The following PCDHGA6 variants were observed in gnomAD, a reference collection of about 807,000 sequenced individuals.
PCDHGA6 encodes protocadherin gamma-A6.
A neutral mutation model predicts 60.6 loss-of-function variants in PCDHGA6; 41 were observed. The observed-to-expected ratio is 0.68, with a 90% confidence interval of 0.53 to 0.88. The LOEUF (loss-of-function observed/expected upper bound fraction) is 0.88. Among genes scored for constraint, PCDHGA6 ranks in the 40% least tolerant of loss-of-function variants. The pLI, the probability that PCDHGA6 is intolerant of heterozygous loss-of-function variation, is 0.00. For synonymous variants in PCDHGA6, 594 were observed against 524.4 expected (o/e 1.13, Z -1.81); for missense variants, 1,312 against 1,203.0 (o/e 1.09, Z -1.34).
Position 141,410,397 on chromosome 5 carries a change from G to T in PCDHGA6, c.2424+33890G>T, listed in dbSNP as rs1338071222. Reference sequence around the variant, plus strand: ...TGGGACTGCTTCCATCCTGGTCTCTGTGTCAAGTCTGGACCTGTAGTTCCC... The same window carrying T: ...TGGGACTGCTTCCATCCTGGTCTCTTTGTCAAGTCTGGACCTGTAGTTCCC... On this transcript the variant is annotated intron_variant, in intron 1 of 3. Coordinates refer to ENST00000517434, the MANE Select transcript of PCDHGA6 (RefSeq NM_018919.3). The T allele has an allele frequency of 3.7e-6, 6 of 1,613,930 alleles. No homozygotes were observed. The African/African-American group carries it at 8.0e-5, about 22-fold the overall frequency.
In PCDHGA6 at chr5:141,432,126, C is replaced by G. The variant is rs750150518; in HGVS notation, c.2424+55619C>G. 12 of 1,614,026 alleles carry G rather than the reference C, an allele frequency of 7.4e-6. No homozygotes were observed. Among genetic ancestry groups the G allele is most frequent in the South Asian group, 4.4e-5 (4 of 91,062 alleles). On this transcript the variant is annotated intron_variant, in intron 1 of 3. Transcript: ENST00000517434. The surrounding 1 kb of genome is among the most constrained non-coding windows in gnomAD (Gnocchi z 6.0). ...AACCCGCCGGTCTTCCCTCAGGCCT[C>G]CTATTCCGCTTATATCCCAGAGAAC...
At chr5:141,433,205 TTTC>T in intron 1 of PCDHGA6, 1 of 1,573,264 alleles carries the variant, frequency 6.4e-7, no homozygotes, top group Non-Finnish European at 8.6e-7. Context: ...TCAAATCTTC[TTTC>T]TTTTTTTTTT....
chr5:141,389,990 C>CTCA (rs1156236363), intron 1 of PCDHGA6: 4 of 1,614,044 alleles, frequency 2.5e-6, no homozygotes, highest in Non-Finnish European at 2.5e-6. Flanking sequence ...TGCTCTTCCT[C>CTCA]GTGGCCATGA....
rs773763605 is a variant in PCDHGA6, at chr5:141,476,631, A to G, written c.2425-18176A>G. On this transcript the variant is annotated intron_variant, in intron 1 of 3. Transcript: ENST00000517434. The surrounding 1 kb of genome is among the most constrained non-coding windows in gnomAD (Gnocchi z 7.6). ...GTGGGAAGCAACTCTTTACAAACCT[A>G]TGAGCTGAGCCGAAATGAATACTTT... The G allele has an allele frequency of 2.5e-6, 4 of 1,614,224 alleles. No individual in the cohort carries two copies. Among genetic ancestry groups the G allele is most frequent in the Admixed American group, 1.7e-5 (1 of 60,032 alleles).
intron 1 of PCDHGA6, chr5:141,415,740 G>GTTTTTTTTTTTTTTTTTTT (rs57426385): frequency 1.1e-5 from 7 of 625,046 alleles, no homozygotes; most frequent in Admixed American, 7.1e-5. Context: ...GTTTATTAAG[G>GTTTTTTTTTTTTTTTTTTT]TTTTTTTTTT....
At position 141,491,733 on chromosome 5, in the gene PCDHGA6, TGGGGGCGGCAC is replaced by T; in HGVS notation, c.2425-3073_2425-3063del. 1.9e-6 allele frequency: 3 copies of T among 1,602,698 alleles called. No individual in the cohort carries two copies. The highest frequency in any genetic ancestry group is 2.6e-6 in the Non-Finnish European group (3 of 1,175,258). On this transcript the variant is annotated intron_variant, in intron 1 of 3. Coordinates refer to ENST00000517434, the MANE Select transcript of PCDHGA6 (RefSeq NM_018919.3). The surrounding 1 kb of genome is among the most constrained non-coding windows in gnomAD (Gnocchi z 6.9). ...GCTCGGCGCCGCCCCGGGCGACCCC[TGGGGGCGGCAC>T]TGGAGAAGCCGCCCGTCCTCATAAG...
intron 1 of PCDHGA6, among the ~76,000 whole-genome samples, chr5:141,463,545 T>C (rs1433047951): frequency 6.8e-6 from 1 of 146,704 alleles, no homozygotes; most frequent in East Asian, 2.1e-4. Flanking sequence ...GGCTCCCGGG[T>C]TCATGCCATT....
intron 1 of PCDHGA6, chr5:141,389,849 T>C (rs773205213): frequency 6.2e-7 from 1 of 1,614,066 alleles, no homozygotes; most frequent in South Asian, 1.1e-5. Context: ...TCTCGGCCAC[T>C]GCCACGTTGC....
At chr5:141,394,893 G>A (rs769819389) in intron 1 of PCDHGA6, 7 of 1,613,858 alleles carry the variant, frequency 4.3e-6, no homozygotes, top group South Asian at 2.2e-5. Context: ...ACTCTATCTC[G>A]TGGTGGCAGT....
At chr5:141,409,870 T>C in intron 1 of PCDHGA6, 1 of 1,612,788 alleles carries the variant, frequency 6.2e-7, no homozygotes, top group Non-Finnish European at 8.5e-7. Flanking sequence ...GAGACCGCAA[T>C]GACAACGCAC....
chr5:141,442,135 G>C lies in PCDHGA6; in HGVS notation c.2425-52672G>C, dbSNP rs868124128. 8 of 164,066 alleles carry C rather than the reference G, an allele frequency of 4.9e-5. 1 individual carries two copies. The highest frequency in any genetic ancestry group is 2.8e-4 in the South Asian group (2 of 7,026). 10.2% of individuals were successfully genotyped at this position (164,066 alleles called of 1,614,324 possible). On this transcript the variant is annotated intron_variant, in intron 1 of 3. Transcript: ENST00000517434. ...CCCTCGTCGCCGACAGCCTGCAGGA[G>C]ACTCTGCCAGACCTCAGCGATCACT...
chr5:141,471,006 T>A (rs560578929), intron 1 of PCDHGA6, among the ~76,000 whole-genome samples: 57 of 150,804 alleles, frequency 3.8e-4, no homozygotes, highest in African/African-American at 1.3e-3. Context: ...CATGAGCCAC[T>A]GTGCCTGGTC....
At chr5:141,383,857 C>T (rs1779530315) in intron 1 of PCDHGA6, 2 of 1,613,810 alleles carry the variant, frequency 1.2e-6, no homozygotes, top group Non-Finnish European at 1.7e-6. Context: ...AATGGAGGTT[C>T]AGGCTCAAGA....
chr5:141,443,555 C>T (rs1284929219), intron 1 of PCDHGA6, among the ~76,000 whole-genome samples: 1 of 152,130 alleles, frequency 6.6e-6, no homozygotes, highest in East Asian at 1.9e-4. Flanking sequence ...TGTTCCAATT[C>T]AAATGCTTTA....
chr5:141,400,217 T>C (rs771117256), intron 1 of PCDHGA6: 1 of 1,613,916 alleles, frequency 6.2e-7, no homozygotes, highest in Non-Finnish European at 8.5e-7. Flanking sequence ...TTGATCTCAG[T>C]GCTCTTCCTC....
intron 1 of PCDHGA6, among the ~76,000 whole-genome samples, chr5:141,386,313 A>G (rs2090530914): frequency 6.6e-6 from 1 of 152,156 alleles, no homozygotes; most frequent in Non-Finnish European, 1.5e-5. Context: ...TCAGTATATC[A>G]AGTGATTGTC....
chr5:141,477,504 A>T lies in PCDHGA6; in HGVS notation c.2425-17303A>T, dbSNP rs1396003792. Reference sequence around the variant, plus strand: ...CCACAATCTTCTCAATCTTCCTACGACGTTTACATTGAAGAAAACAACCTC... The same window carrying T: ...CCACAATCTTCTCAATCTTCCTACGTCGTTTACATTGAAGAAAACAACCTC... On this transcript the variant is annotated intron_variant, in intron 1 of 3. Coordinates refer to ENST00000517434, the MANE Select transcript of PCDHGA6 (RefSeq NM_018919.3). This position sits in a 1 kb window ranked among gnomAD's most constrained non-coding sequence, Gnocchi z 4.9. The T allele has an allele frequency of 4.3e-6, 7 of 1,613,982 alleles. No homozygotes were observed. In the Admixed American group the frequency reaches 8.3e-5, roughly 19 times the overall value.
chr5:141,476,180 C>T lies in PCDHGA6; in HGVS notation c.2425-18627C>T. The T allele has an allele frequency of 1.2e-6, 2 of 1,613,664 alleles. No individual in the cohort carries two copies. Among genetic ancestry groups the T allele is most frequent in the East Asian group, 4.5e-5 (2 of 44,838 alleles). On this transcript the variant is annotated intron_variant, in intron 1 of 3. Transcript: ENST00000517434. The surrounding 1 kb of genome is among the most constrained non-coding windows in gnomAD (Gnocchi z 7.6). ...CGGGAGGGTAGTGGGAGTTTTGCTT[C>T]TGCTTGGTGCCTTGAACAAGGCTTC...
chr5:141,391,314 T>C (rs2092347404), intron 1 of PCDHGA6: 1 of 151,522 alleles, frequency 6.6e-6, no homozygotes, highest in Non-Finnish European at 1.5e-5. Flanking sequence ...TTCTTTTTTT[T>C]TTCTTTTTTT....
Sources: allele counts gnomAD v4.1 joint callset (sites outside exome capture counted in the v4.1 genomes callset), GRCh38; gene constraint gnomAD v4.1.1; non-coding constraint Gnocchi (gnomAD v3.1); transcripts MANE v1.5; gene names NCBI Gene and HGNC (gene_info 2026-07-23, HGNC 2026-07-21).